Variants in DGKH observed in about 807,000 individuals in gnomAD.
DGKH encodes DAG kinase eta.
Under a neutral mutation model 159.3 loss-of-function variants are expected in DGKH, and 90 were observed. The ratio of observed to expected loss-of-function variants is 0.57; its 90% CI spans 0.48 to 0.67. The LOEUF (loss-of-function observed/expected upper bound fraction) is 0.67, where lower values mean the gene tolerates loss of function less well. Ranked by LOEUF, DGKH falls within the 30% of genes least tolerant of loss-of-function variation. DGKH has a pLI of 0.00. For synonymous variants in DGKH, 536 were observed against 553.8 expected (o/e 0.97, Z 0.45); for missense variants, 1,181 against 1,506.1 (o/e 0.78, Z 3.57).
Position 42,240,025 on chromosome 13 carries a change from A to C in DGKH, c.*10837A>C, listed in dbSNP as rs1229518928. 7.9e-5 allele frequency: 12 copies of C among 152,330 alleles called. No individual in the cohort carries two copies. Among genetic ancestry groups the C allele is most frequent in the Admixed American group, 5.9e-4 (9 of 15,310 alleles). The allele number at this position is 152,330 out of a possible 1,614,324, so 9.4% of individuals were successfully genotyped here. On this transcript the variant is annotated 3_prime_UTR_variant, in exon 30 of 30. Coordinates refer to ENST00000337343, the MANE Select transcript of DGKH (RefSeq NM_178009.5). ...TTTTCTCCATGCCTATAGTATATTGAAACTTTTTCTGTTAAAATAACATAA... is the reference window on the plus strand; with the variant it reads ...TTTTCTCCATGCCTATAGTATATTGCAACTTTTTCTGTTAAAATAACATAA...
chr13:42,220,564 G>A (rs1258537216), intron 28 of DGKH, among the ~76,000 whole-genome samples: 2 of 152,154 alleles, frequency 1.3e-5, no homozygotes, highest in Non-Finnish European at 2.9e-5. Context: ...TATTCATAAA[G>A]CAGCTAATGA....
At chr13:42,209,273 G>C (rs1957578814) in intron 22 of DGKH, 58 bp from the exon 23 acceptor site, 3 of 1,572,380 alleles carry the variant, frequency 1.9e-6, no homozygotes, top group East Asian at 4.5e-5. Context: ...CCTTCATAAA[G>C]ATTGAGTGTC....
chr13:42,170,957 A>AG (rs1189293398), intron 11 of DGKH, among the ~76,000 whole-genome samples: 53 of 148,936 alleles, frequency 3.6e-4, no homozygotes, highest in African/African-American at 1.3e-3. Flanking sequence ...AAAAAAAAAA[A>AG]AATACACCAG....
chr13:42,126,408 A>C (rs1318593981), intron 1 of DGKH, among the ~76,000 whole-genome samples: 1 of 152,072 alleles, frequency 6.6e-6, no homozygotes, highest in Non-Finnish European at 1.5e-5. Context: ...TATCTGAGGG[A>C]GGAGAGGGGA....
chr13:42,064,168 T>C (rs1340682247), intron 1 of DGKH, among the ~76,000 whole-genome samples: 1 of 152,146 alleles, frequency 6.6e-6, no homozygotes, highest in Admixed American at 6.5e-5. Context: ...TTGGCACTTC[T>C]AGAAATTATT....
At chr13:42,070,604 C>T in intron 1 of DGKH, 1 of 1,605,826 alleles carries the variant, frequency 6.2e-7, no homozygotes, top group South Asian at 1.1e-5. Flanking sequence ...AGCACCAAGT[C>T]TTCAGTATTA....
intron 3 of DGKH, among the ~76,000 whole-genome samples, chr13:42,138,579 T>G (rs1384377727): frequency 6.6e-6 from 1 of 152,200 alleles, no homozygotes; most frequent in African/African-American, 2.4e-5. Context: ...ACAAAAAGTA[T>G]TAGGTCATGT....
At chr13:42,128,491 T>C (rs1185119069) in intron 2 of DGKH, among the ~76,000 whole-genome samples, 3 of 152,188 alleles carry the variant, frequency 2.0e-5, no homozygotes, top group Admixed American at 1.3e-4. Context: ...ATTTTTCACA[T>C]TTATCTCTAG....
intron 24 of DGKH, among the ~76,000 whole-genome samples, chr13:42,212,147 ACT>A (rs1247833741): frequency 6.6e-6 from 1 of 152,128 alleles, no homozygotes; most frequent in Non-Finnish European, 1.5e-5. Flanking sequence ...TCAGCGGCTA[ACT>A]CACATCTTTC....
At chr13:42,196,233 T>C (rs1322182831) in intron 17 of DGKH, among the ~76,000 whole-genome samples, 2 of 152,178 alleles carry the variant, frequency 1.3e-5, no homozygotes, top group Non-Finnish European at 2.9e-5. Flanking sequence ...ATTTTAAGAA[T>C]AGTTTCACAG....
intron 23 of DGKH, among the ~76,000 whole-genome samples, chr13:42,210,370 C>T (rs934567360): frequency 2.7e-4 from 41 of 151,974 alleles, no homozygotes; most frequent in African/African-American, 8.2e-4. Flanking sequence ...GTGATTGTCC[C>T]GCCTTGACCT....
At position 42,048,817 on chromosome 13, in the gene DGKH, GA is replaced by G; in HGVS notation, c.45del (p.Gly16GlufsTer36). 7.5e-7 allele frequency: 1 copy of G among 1,332,296 alleles called. No individual in the cohort carries two copies. Among genetic ancestry groups the G allele is most frequent in the Non-Finnish European group, 9.6e-7 (1 of 1,038,488 alleles). 82.5% of individuals were successfully genotyped at this position (1,332,296 alleles called of 1,614,324 possible). A position where few individuals can be genotyped will look rare whatever the true frequency, so the allele number is the denominator to read the frequency against. On this transcript the variant is annotated frameshift_variant, in exon 1 of 30. Coordinates refer to ENST00000337343, the MANE Select transcript of DGKH (RefSeq NM_178009.5). LOFTEE classifies it high-confidence loss of function. This position sits in a 1 kb window ranked among gnomAD's most constrained non-coding sequence, Gnocchi z 6.7. ...GGQHHPPGAA[G>X]GAAAGAGAAV... ...CAGCACCACCCTCCGGGCGCCGCTG[GA>G]GGAGCGGCCGCCGGAGCCGGCGCCG... is the stretch of plus-strand genomic sequence containing the variant.
chr13:42,154,980 T>C (rs1278478930), intron 3 of DGKH, among the ~76,000 whole-genome samples: 1 of 152,198 alleles, frequency 6.6e-6, no homozygotes, highest in Non-Finnish European at 1.5e-5. Flanking sequence ...AAGCTTACTA[T>C]GAATTATTTT....
chr13:42,044,393 G>GATTCTCCTGC (rs1184684044), upstream of DGKH: 4 of 151,686 alleles, frequency 2.6e-5, no homozygotes, highest in African/African-American at 9.7e-5. Context: ...CCGCCTCCTG[G>GATTCTCCTGC]ATTCTCCTGC....
intron 3 of DGKH, chr13:42,137,869 A>T (rs1955434230): frequency 6.5e-6 from 1 of 153,030 alleles, no homozygotes; most frequent in Non-Finnish European, 1.5e-5. Context: ...ATGTATTTTT[A>T]ATATTTGAGG....
chr13:42,165,742 GT>G (rs60338903), intron 8 of DGKH, among the ~76,000 whole-genome samples: 1 of 151,736 alleles, frequency 6.6e-6, no homozygotes, highest in East Asian at 1.9e-4. Context: ...TTTTATAAGT[GT>G]TTTTTTCCTC....
intron 1 of DGKH, among the ~76,000 whole-genome samples, chr13:42,097,828 C>T (rs1227824278): frequency 6.6e-6 from 1 of 152,132 alleles, no homozygotes; most frequent in African/African-American, 2.4e-5. Flanking sequence ...CTTAGTGATT[C>T]TAAAATACAT....
At chr13:42,244,936 A>AAAT (rs1566237202), downstream of DGKH, among the ~76,000 whole-genome samples, 11 of 119,424 alleles carry the variant, frequency 9.2e-5, no homozygotes, top group East Asian at 2.4e-4. Flanking sequence ...AAAAAAAAAG[A>AAAT]ACAACATACA....
At chr13:42,155,058 CATA>C (rs1956008772) in intron 3 of DGKH, among the ~76,000 whole-genome samples, 1 of 152,024 alleles carries the variant, frequency 6.6e-6, no homozygotes, top group African/African-American at 2.4e-5. Context: ...TATTTGGGTC[CATA>C]GCCTTAGAAA....
Sources: gnomAD v4.1 joint callset for allele counts (sites outside exome capture counted in the v4.1 genomes callset) on GRCh38, gnomAD v4.1.1 for gene constraint, Gnocchi (gnomAD v3.1) non-coding constraint, MANE v1.5 for transcripts, NCBI Gene and HGNC (gene_info 2026-07-23, HGNC 2026-07-21) for gene names.